Variants in SUCLG2 observed in about 807,000 individuals in gnomAD.
SUCLG2 encodes succinate-CoA ligase GDP-forming subunit beta.
In SUCLG2, 42 loss-of-function variants were observed where a neutral mutation model predicts 47.9. The ratio of observed to expected loss-of-function variants is 0.88; its 90% CI spans 0.69 to 1.14. SUCLG2 has a LOEUF of 1.14. Ranked by LOEUF, SUCLG2 falls within the 50% of genes most tolerant of loss-of-function variation. The pLI is 0.00. For missense variants in SUCLG2, 571 were observed against 525.9 expected (o/e 1.09, Z -0.84); for synonymous variants, 195 against 197.3 (o/e 0.99, Z 0.10).
At chr3:67,548,606 C>T (rs1229312800) in intron 2 of SUCLG2, among the ~76,000 whole-genome samples, 4 of 152,162 alleles carry the variant, frequency 2.6e-5, no homozygotes, top group African/African-American at 9.7e-5. Flanking sequence ...ATACCCAAAT[C>T]TCATGTGTAC....
intron 10 of SUCLG2, among the ~76,000 whole-genome samples, chr3:67,364,565 G>A (rs1701851249): frequency 6.6e-6 from 1 of 152,162 alleles, no homozygotes; most frequent in South Asian, 2.1e-4. Context: ...AAAAGTCAGA[G>A]TGCCCACCCA....
chr3:67,396,222 T>C (rs1316032974), intron 10 of SUCLG2, among the ~76,000 whole-genome samples: 4 of 152,008 alleles, frequency 2.6e-5, no homozygotes, highest in African/African-American at 4.8e-5. Context: ...AAAAAATGAA[T>C]GAAACCAGGA....
intron 9 of SUCLG2, among the ~76,000 whole-genome samples, chr3:67,411,313 T>G (rs1346081560): frequency 1.3e-5 from 2 of 152,028 alleles, no homozygotes; most frequent in African/African-American, 4.8e-5. Context: ...GAAGACAAAT[T>G]TAGTTAATGG....
chr3:67,555,854 C>T (rs1401980977), intron 2 of SUCLG2, among the ~76,000 whole-genome samples: 2 of 152,180 alleles, frequency 1.3e-5, no homozygotes, highest in African/African-American at 4.8e-5. Flanking sequence ...AGAACATCTC[C>T]CCACAAAATT....
chr3:67,576,736 A>C (rs1266984565), intron 2 of SUCLG2, among the ~76,000 whole-genome samples: 1 of 152,142 alleles, frequency 6.6e-6, no homozygotes, highest in Non-Finnish European at 1.5e-5. Context: ...AGTTACTCTC[A>C]CTCTGCCAAC....
At chr3:67,394,927 G>A (rs1371425511) in intron 10 of SUCLG2, among the ~76,000 whole-genome samples, 1 of 152,032 alleles carries the variant, frequency 6.6e-6, no homozygotes, top group African/African-American at 2.4e-5. Flanking sequence ...AAACTAAACT[G>A]CATAAGTGAA....
chr3:67,366,322 C>T (rs529103298), intron 10 of SUCLG2, among the ~76,000 whole-genome samples: 3 of 152,006 alleles, frequency 2.0e-5, no homozygotes, highest in African/African-American at 4.8e-5. Flanking sequence ...CCAGCCTGAG[C>T]GAAAGAGCAA....
intron 1 of SUCLG2, among the ~76,000 whole-genome samples, chr3:67,619,888 A>G (rs4355299): frequency 0.44 from 67,624 of 151,974 alleles, 15,329 homozygotes; most frequent in African/African-American, 0.5. Context: ...TAAAAATACC[A>G]AACATCCTTT....
chr3:67,576,408 A>T (rs1430664103), intron 2 of SUCLG2, among the ~76,000 whole-genome samples: 1 of 152,214 alleles, frequency 6.6e-6, no homozygotes. Flanking sequence ...TTAACAGGAA[A>T]AAAAAAAGGT....
chr3:67,458,407 G>A (rs1296843786), intron 9 of SUCLG2, among the ~76,000 whole-genome samples: 3 of 152,114 alleles, frequency 2.0e-5, no homozygotes, highest in South Asian at 2.1e-4. Context: ...ATAATAAGTC[G>A]AGGGGGTAGG....
intron 9 of SUCLG2, among the ~76,000 whole-genome samples, chr3:67,436,830 C>T (rs1703635531): frequency 6.6e-6 from 1 of 152,096 alleles, no homozygotes; most frequent in Non-Finnish European, 1.5e-5. Flanking sequence ...TACAAATGCA[C>T]ACATTTCAAC....
intron 2 of SUCLG2, among the ~76,000 whole-genome samples, chr3:67,591,486 A>T (rs1708163586): frequency 6.6e-6 from 1 of 152,150 alleles, no homozygotes; most frequent in Non-Finnish European, 1.5e-5. Context: ...AGGAGAGGTA[A>T]TTGAATCATG....
intron 1 of SUCLG2, among the ~76,000 whole-genome samples, chr3:67,630,771 C>T (rs1700911352): frequency 6.6e-6 from 1 of 152,234 alleles, no homozygotes; most frequent in African/African-American, 2.4e-5. Flanking sequence ...TGGATACCAT[C>T]AACAGGAGTT....
intron 10 of SUCLG2, among the ~76,000 whole-genome samples, chr3:67,399,332 G>A (rs535266788): frequency 1.3e-5 from 2 of 152,076 alleles, no homozygotes; most frequent in African/African-American, 4.8e-5. Context: ...CAACTGTCTG[G>A]GTATCAAGCT....
intron 9 of SUCLG2, among the ~76,000 whole-genome samples, chr3:67,463,476 C>G (rs1704388439): frequency 6.6e-6 from 1 of 152,086 alleles, no homozygotes; most frequent in Admixed American, 6.5e-5. Context: ...AGAAATTTAT[C>G]TTTTAAAAAG....
At chr3:67,505,263 C>G (rs1006941989) in intron 7 of SUCLG2, among the ~76,000 whole-genome samples, 1 of 152,154 alleles carries the variant, frequency 6.6e-6, no homozygotes, top group Non-Finnish European at 1.5e-5. Context: ...GGCTGGAGAA[C>G]CAGCAAATCC....
intron 1 of SUCLG2, among the ~76,000 whole-genome samples, chr3:67,650,148 A>G (rs1371133532): frequency 6.6e-6 from 1 of 152,254 alleles, no homozygotes; most frequent in Non-Finnish European, 1.5e-5. Flanking sequence ...TTTTAAAAAA[A>G]GAAAAAAGTC....
chr3:67,641,744 C>T (rs909763593), intron 1 of SUCLG2, among the ~76,000 whole-genome samples: 2 of 152,148 alleles, frequency 1.3e-5, no homozygotes, highest in African/African-American at 4.8e-5. Context: ...GTACCACATA[C>T]TGGGTGGCTG....
At chr3:67,406,100 C>A (rs1044628495) in intron 9 of SUCLG2, among the ~76,000 whole-genome samples, 2 of 152,138 alleles carry the variant, frequency 1.3e-5, no homozygotes, top group South Asian at 4.2e-4. Context: ...ACCTACCCCC[C>A]TTTCGCAGAT....
Sources: allele counts gnomAD v4.1 joint callset (sites outside exome capture counted in the v4.1 genomes callset), GRCh38; gene constraint gnomAD v4.1.1; transcripts MANE v1.5; gene names NCBI Gene and HGNC (gene_info 2026-07-23, HGNC 2026-07-21).